Variants in SHF observed in about 807,000 individuals in gnomAD.
SHF encodes the protein Src homology 2 domain containing F, also known as SH2 domain-containing adapter protein F.
In SHF, 30 loss-of-function variants were observed where a neutral mutation model predicts 42.4. That is an observed-to-expected ratio of 0.71 (90% CI 0.53 to 0.96). The LOEUF (loss-of-function observed/expected upper bound fraction) is 0.96. Ranked by LOEUF, SHF falls within the 40% of genes least tolerant of loss-of-function variation. The pLI is 0.00. For missense variants in SHF, 598 were observed against 634.0 expected (o/e 0.94, Z 0.61); for synonymous variants, 264 against 269.9 (o/e 0.98, Z 0.21).
chr15:45,198,902 G>C, exon 2 of SHF: 1 of 1,614,042 alleles, frequency 6.2e-7, no homozygotes, highest in South Asian at 1.1e-5. Context: ...CTCCCGGTGA[G>C]CGCAGTGGGA....
chr15:45,186,235 C>T (rs1358598103), intron 1 of SHF, among the ~76,000 whole-genome samples: 1 of 152,228 alleles, frequency 6.6e-6, no homozygotes, highest in African/African-American at 2.4e-5. Context: ...CAGCCATGCC[C>T]CATGGCAAAA....
chr15:45,179,295 T>C (rs1897997329), intron 1 of SHF, among the ~76,000 whole-genome samples: 1 of 152,244 alleles, frequency 6.6e-6, no homozygotes, highest in Non-Finnish European at 1.5e-5. Flanking sequence ...TTGGAACCCA[T>C]GCCCTTTGTG....
chr15:45,183,946 C>T (rs1291488640), intron 1 of SHF, among the ~76,000 whole-genome samples: 1 of 152,212 alleles, frequency 6.6e-6, no homozygotes, highest in African/African-American at 2.4e-5. Flanking sequence ...TACAAAAGTT[C>T]CTTCACCTGG....
chr15:45,196,494 G>A lies in SHF; in HGVS notation c.303+2278C>T, dbSNP rs541594781. Among the ~76,000 whole-genome samples, 5 of 152,306 alleles carry A rather than the reference G, an allele frequency of 3.3e-5. No individual in the cohort carries two copies. The East Asian group carries it at 7.7e-4, about 24-fold the overall frequency. The stretch of plus-strand genomic sequence containing the variant: ...AAGATAAGTAGCCTGACTGGTTTCA[G>A]ATGAGGCTATATCTCCAAAGACCAT... On this transcript the variant is annotated intron_variant, in intron 2 of 7. Transcript: ENST00000290894.
intron 6 of SHF, chr15:45,170,794 A>G (rs1051826768): frequency 4.6e-6 from 1 of 218,346 alleles, no homozygotes; most frequent in African/African-American, 2.4e-5. Flanking sequence ...TGGCATTACC[A>G]GTGCTCACCA....
At position 45,178,200 on chromosome 15, in the gene SHF, T is replaced by A; in HGVS notation, c.605A>T (p.Tyr202Phe). 1 of 1,613,660 alleles carries A rather than the reference T, an allele frequency of 6.2e-7. No homozygotes were observed. The highest frequency in any genetic ancestry group is 8.5e-7 in the Non-Finnish European group (1 of 1,179,902). Reference protein sequence around the residue: ...APEKVPENDGYMEPYEAQKMM... With the variant: ...APEKVPENDGFMEPYEAQKMM... ...CTTTTGAGCCTCATAGGGCTCCATG[T>A]AGCCATCATTTTCAGGGACCTTCTC... Residue 202 changes from tyrosine (Y) to phenylalanine (F), a missense_variant, in exon 2 of 7, where the codon TAC (tyrosine) becomes TTC (phenylalanine). Physicochemically the swap from Tyr to Phe is conservative, Grantham distance 22. Transcript: ENST00000690270.
chr15:45,176,507 C>T (rs1234056268), intron 2 of SHF, among the ~76,000 whole-genome samples: 1 of 151,878 alleles, frequency 6.6e-6, no homozygotes, highest in East Asian at 1.9e-4. Flanking sequence ...TTTGGCCTCT[C>T]CCTAGATCCT....
chr15:45,200,409 A>G (rs1341371232), intron 1 of SHF: 21 of 230,754 alleles, frequency 9.1e-5, no homozygotes, highest in Non-Finnish European at 5.4e-5. Context: ...CATTGTCCTC[A>G]CAATGCCGTG....
chr15:45,170,386 T>C (rs1193973092), intron 6 of SHF: 1 of 1,287,944 alleles, frequency 7.8e-7, no homozygotes, highest in Non-Finnish European at 1.0e-6. Flanking sequence ...TTTAAAGCAA[T>C]ACACATTTCT....
At chr15:45,186,810 C>A (rs923756121) in intron 1 of SHF, among the ~76,000 whole-genome samples, 1 of 152,254 alleles carries the variant, frequency 6.6e-6, no homozygotes, top group African/African-American at 2.4e-5. Flanking sequence ...CTGGACCCCA[C>A]GAAGCCCCCT....
intron 1 of SHF, among the ~76,000 whole-genome samples, chr15:45,178,565 C>G (rs567918031): frequency 1.5e-5 from 2 of 136,972 alleles, no homozygotes; most frequent in South Asian, 4.5e-4. Flanking sequence ...GACAGAGTCT[C>G]ACTCTGTCAC....
chr15:45,179,913 GA>G (rs1244937930), intron 1 of SHF, among the ~76,000 whole-genome samples: 1 of 152,136 alleles, frequency 6.6e-6, no homozygotes, highest in African/African-American at 2.4e-5. Context: ...GCAAGGCAGA[GA>G]TGAAGAAAGG....
At chr15:45,194,652 T>C (rs1423569324) in intron 2 of SHF, among the ~76,000 whole-genome samples, 2 of 152,094 alleles carry the variant, frequency 1.3e-5, no homozygotes, top group African/African-American at 4.8e-5. Flanking sequence ...GCGCCTGGCC[T>C]CCTGTGTCCT....
Position 45,196,976 on chromosome 15 carries a change from A to G in SHF, c.303+1796T>C, listed in dbSNP as rs563270320. On this transcript the variant is annotated intron_variant, in intron 2 of 7. Coordinates refer to the SHF transcript ENST00000290894. The stretch of plus-strand genomic sequence containing the variant: ...TAAGGATAGTAAAAGGGAAAAAAAG[A>G]AAGAAAGAAAGACCTAAAAGGGCTA... 6.6e-4 allele frequency among the ~76,000 whole-genome samples: 100 copies of G among 152,088 alleles called. 1 individual carries two copies. Among genetic ancestry groups the G allele is most frequent in the Middle Eastern group, 3.4e-3 (1 of 294 alleles).
At chr15:45,199,953 C>CAAAAAAA (rs56982094) in intron 1 of SHF, 8 of 59,522 alleles carry the variant, frequency 1.3e-4, no homozygotes, top group East Asian at 1.5e-3. Context: ...GGCTCCATCT[C>CAAAAAAA]AAAAAAAAAA....
At position 45,187,485 on chromosome 15, in the gene SHF, C is replaced by T; in HGVS notation, c.467G>A (p.Arg156Gln). ...GCTGCTGGCGGGGGGTCCGGAGATCCGCTCATCAGCAGGCGGCGCCGGGGG... is the reference window on the plus strand; with the variant it reads ...GCTGCTGGCGGGGGGTCCGGAGATCTGCTCATCAGCAGGCGGCGCCGGGGG... ...PGPPAPPADERISGPPASSDR... is the reference protein window; with the variant it reads ...PGPPAPPADEQISGPPASSDR... Residue 156 changes from arginine (R) to glutamine (Q), a missense_variant, in exon 1 of 7, where the codon CGG becomes CAG. Arg to Gln is a conservative substitution (Grantham distance 43). Transcript: ENST00000690270. 3 of 1,232,636 alleles carry T rather than the reference C, an allele frequency of 2.4e-6. No individual in the cohort carries two copies. The highest frequency in any genetic ancestry group is 3.0e-6 in the Non-Finnish European group (3 of 988,200). 76.4% of individuals were successfully genotyped at this position (1,232,636 alleles called of 1,614,324 possible). A position where few individuals can be genotyped will look rare whatever the true frequency, so the allele number is the denominator to read the frequency against.
intron 6 of SHF, among the ~76,000 whole-genome samples, chr15:45,168,935 C>T (rs761563615): frequency 6.7e-4 from 102 of 152,328 alleles, no homozygotes; most frequent in South Asian, 1.7e-3. Context: ...CAGGGACCCT[C>T]GGCCCATGAG....
chr15:45,198,684 C>T lies in SHF; in HGVS notation c.303+88G>A, dbSNP rs991665659. ...ACCACTATACGATCACGGCGAGCTA[C>T]CGGGGACCCGTAGGGGTTGGCTTCT... On this transcript the variant is annotated intron_variant, in intron 2 of 7. Transcript: ENST00000290894. 95 of 1,502,414 alleles carry T rather than the reference C, an allele frequency of 6.3e-5. No individual in the cohort carries two copies. The South Asian group carries it at 8.7e-4, about 14-fold the overall frequency. The allele number at this position is 1,502,414 out of a possible 1,614,324, so 93.1% of individuals were successfully genotyped here.
chr15:45,187,110 G>C (rs746770977), intron 1 of SHF, among the ~76,000 whole-genome samples: 1 of 152,216 alleles, frequency 6.6e-6, no homozygotes, highest in African/African-American at 2.4e-5. Flanking sequence ...TCAACCAGTG[G>C]GGGTTGGGAG....
Sources: gnomAD v4.1 joint callset for allele counts (sites outside exome capture counted in the v4.1 genomes callset) on GRCh38, gnomAD v4.1.1 for gene constraint, MANE v1.5 for transcripts, NCBI Gene and HGNC (gene_info 2026-07-23, HGNC 2026-07-21) for gene names.